The following ULK4 variants were observed in gnomAD, a reference collection of about 807,000 sequenced individuals.
The protein encoded by ULK4 is inactive serine/threonine-protein kinase ULK4.
A neutral mutation model predicts 160.6 loss-of-function variants in ULK4; 133 were observed. That is an observed-to-expected ratio of 0.83 (90% CI 0.72 to 0.96). ULK4 has a LOEUF of 0.96. Among genes scored for constraint, ULK4 ranks in the 40% least tolerant of loss-of-function variants. The pLI is 0.00. For synonymous variants in ULK4, 534 were observed against 539.8 expected (o/e 0.99, Z 0.15); for missense variants, 1,580 against 1,499.5 (o/e 1.05, Z -0.89).
Position 41,730,127 on chromosome 3 carries a change from C to T in ULK4, c.2322-12266G>A, listed in dbSNP as rs2037776190. Among the ~76,000 whole-genome samples the T allele has an allele frequency of 2.6e-5, 4 of 151,990 alleles. No homozygotes were observed. In the South Asian group the frequency reaches 8.3e-4, roughly 31 times the overall value. ...AAATGGAAACACAATATACTAAAAG[C>T]TATGGGATACAACAAAAGCACTTCT... is the stretch of plus-strand genomic sequence containing the variant. On this transcript the variant is annotated intron_variant, in intron 22 of 36. Transcript: ENST00000301831.
chr3:41,879,044 A>C (rs151250215), intron 17 of ULK4, among the ~76,000 whole-genome samples: 1 of 152,226 alleles, frequency 6.6e-6, no homozygotes, highest in Non-Finnish European at 1.5e-5. Flanking sequence ...TTGGGCCAAG[A>C]CAAGGGACAA....
intron 7 of ULK4, 75 bp downstream of exon 7, chr3:41,918,382 G>A: frequency 1.0e-6 from 1 of 958,478 alleles, no homozygotes; most frequent in Admixed American, 2.9e-5. Context: ...ATCAATAAAA[G>A]CAAACGTTGG....
intron 17 of ULK4, chr3:41,854,964 A>C (rs933901083): frequency 4.4e-5 from 6 of 135,714 alleles, no homozygotes; most frequent in Non-Finnish European, 8.3e-5. Context: ...AAAAAAAAAA[A>C]AAAAAAAAAA....
At chr3:41,719,598 T>C (rs1293741591) in intron 22 of ULK4, among the ~76,000 whole-genome samples, 2 of 152,180 alleles carry the variant, frequency 1.3e-5, no homozygotes, top group African/African-American at 2.4e-5. Flanking sequence ...TCATTTCCCA[T>C]ATTAAGTCAA....
intron 17 of ULK4, among the ~76,000 whole-genome samples, chr3:41,863,612 G>A (rs1373648732): frequency 2.0e-5 from 3 of 151,988 alleles, no homozygotes; most frequent in African/African-American, 7.3e-5. Flanking sequence ...GTAATATGGG[G>A]GTATCACTGC....
intron 27 of ULK4, among the ~76,000 whole-genome samples, chr3:41,685,043 T>C (rs75914604): frequency 0.037 from 5,611 of 152,194 alleles, 319 homozygotes; most frequent in African/African-American, 0.13. Context: ...AATGGCTGCC[T>C]GGGTTCAATA....
intron 29 of ULK4, among the ~76,000 whole-genome samples, chr3:41,667,915 A>G (rs761288801): frequency 5.3e-5 from 8 of 152,206 alleles, no homozygotes; most frequent in Non-Finnish European, 1.0e-4. Context: ...TTCATTACCA[A>G]TCCTATAATT....
chr3:41,446,378 A>T (rs2083297320), intron 34 of ULK4, among the ~76,000 whole-genome samples: 1 of 152,124 alleles, frequency 6.6e-6, no homozygotes, highest in Non-Finnish European at 1.5e-5. Context: ...TTTACTGGGT[A>T]TATACCCAAA....
intron 31 of ULK4, among the ~76,000 whole-genome samples, chr3:41,605,678 C>T (rs2032344334): frequency 6.6e-6 from 1 of 152,004 alleles, no homozygotes; most frequent in Admixed American, 6.6e-5. Context: ...CCTGTCACCC[C>T]TCTCTCAATG....
chr3:41,819,973 TAAATA>T (rs1432900242), intron 18 of ULK4, among the ~76,000 whole-genome samples: 1 of 152,102 alleles, frequency 6.6e-6, no homozygotes, highest in African/African-American at 2.4e-5. Flanking sequence ...GACAAGGAAC[TAAATA>T]AAATGAGCAA....
At chr3:41,297,743 T>C (rs559276154) in intron 35 of ULK4, among the ~76,000 whole-genome samples, 1 of 152,354 alleles carries the variant, frequency 6.6e-6, no homozygotes, top group South Asian at 2.1e-4. Context: ...TATGGCCCAC[T>C]GCTGACTTCA....
At chr3:41,651,303 C>G (rs768555764) in intron 30 of ULK4, among the ~76,000 whole-genome samples, 10 of 152,190 alleles carry the variant, frequency 6.6e-5, no homozygotes, top group Admixed American at 2.0e-4. Flanking sequence ...CTACATTTCA[C>G]CTTCCCAAAG....
chr3:41,517,049 A>G (rs1357994905), intron 32 of ULK4, among the ~76,000 whole-genome samples: 2 of 152,204 alleles, frequency 1.3e-5, no homozygotes, highest in African/African-American at 4.8e-5. Flanking sequence ...CATTCAATTA[A>G]AAACGGGCAA....
At chr3:41,559,743 G>GT (rs2087488457) in intron 32 of ULK4, among the ~76,000 whole-genome samples, 1 of 150,752 alleles carries the variant, frequency 6.6e-6, no homozygotes, top group African/African-American at 2.4e-5. Context: ...TTGTAAATTT[G>GT]TTTAAGTTCT....
At chr3:41,679,748 C>T (rs142540162) in intron 29 of ULK4, among the ~76,000 whole-genome samples, 1 of 152,324 alleles carries the variant, frequency 6.6e-6, no homozygotes, top group Non-Finnish European at 1.5e-5. Flanking sequence ...TTTAAAAAAG[C>T]TATTACTAAA....
chr3:41,411,209 C>T (rs2082402354), intron 34 of ULK4, among the ~76,000 whole-genome samples: 1 of 152,094 alleles, frequency 6.6e-6, no homozygotes, highest in Non-Finnish European at 1.5e-5. Flanking sequence ...TCAGCCAGGG[C>T]ACTCTATAAT....
intron 29 of ULK4, among the ~76,000 whole-genome samples, chr3:41,679,517 C>G (rs2035851772): frequency 6.6e-6 from 1 of 152,200 alleles, no homozygotes; most frequent in South Asian, 2.1e-4. Context: ...TTGAACTCAT[C>G]TACATTATTT....
In ULK4 at chr3:41,708,669, G is replaced by A. The variant is rs997391546; in HGVS notation, c.2635-3364C>T. The stretch of plus-strand genomic sequence containing the variant: ...AGGAATGAGAATTGCTGGAACCCAC[G>A]AAACAGAGGTTGCAGTAGGTGAGTA... On this transcript the variant is annotated intron_variant, in intron 25 of 36. Transcript: ENST00000301831. 3.3e-5 allele frequency among the ~76,000 whole-genome samples: 5 copies of A among 152,310 alleles called. No homozygotes were observed. The South Asian group carries it at 8.3e-4, about 25-fold the overall frequency.
chr3:41,710,662 C>G (rs568096738), intron 25 of ULK4, among the ~76,000 whole-genome samples: 2 of 151,976 alleles, frequency 1.3e-5, no homozygotes, highest in Non-Finnish European at 2.9e-5. Flanking sequence ...TGAGTGGTGG[C>G]ACACGCCTGT....
Sources: gnomAD v4.1 joint callset for allele counts (sites outside exome capture counted in the v4.1 genomes callset) on GRCh38, gnomAD v4.1.1 for gene constraint, MANE v1.5 for transcripts, NCBI Gene and HGNC (gene_info 2026-07-23, HGNC 2026-07-21) for gene names.